The following ADGRG3 variants were observed in gnomAD, a reference collection of about 807,000 sequenced individuals.
ADGRG3 encodes the protein G protein-coupled receptor 97.
A neutral mutation model predicts 54.3 loss-of-function variants in ADGRG3; 39 were observed. The ratio of observed to expected loss-of-function variants is 0.72; its 90% CI spans 0.56 to 0.94. The LOEUF is 0.94. Among genes scored for constraint, ADGRG3 ranks in the 40% least tolerant of loss-of-function variants. ADGRG3 has a pLI of 0.00. For missense variants in ADGRG3, 654 were observed against 694.6 expected (o/e 0.94, Z 0.66); for synonymous variants, 312 against 290.0 (o/e 1.08, Z -0.77).
intron 6 of ADGRG3, 72 bp downstream of exon 6, chr16:57,679,927 A>G (rs773692864): frequency 1.7e-5 from 21 of 1,232,974 alleles, no homozygotes; most frequent in Non-Finnish European, 2.5e-5. Flanking sequence ...GGGCGGGGCT[A>G]GCTCCACTGG....
chr16:57,672,202 T>A (rs1250808969), intron 1 of ADGRG3, among the ~76,000 whole-genome samples: 1 of 151,666 alleles, frequency 6.6e-6, no homozygotes, highest in Non-Finnish European at 1.5e-5. Flanking sequence ...AAAGATATAT[T>A]GTTAAGTGAT....
intron 2 of ADGRG3, among the ~76,000 whole-genome samples, chr16:57,674,808 A>T (rs1480404345): frequency 7.1e-6 from 1 of 141,168 alleles, no homozygotes; most frequent in African/African-American, 2.7e-5. Context: ...ACATGGTGAA[A>T]CCCTGTCTCT....
Position 57,685,677 on chromosome 16 carries a change from C to G in ADGRG3, c.1291C>G (p.Leu431Val). The change falls in exon 11 of 12, where the codon CTC becomes GTC. Residue 431 changes from leucine to valine, a missense_variant. Physicochemically the swap from Leu to Val is conservative, Grantham distance 32. Coordinates refer to ENST00000333493, the MANE Select transcript of ADGRG3 (RefSeq NM_170776.5). The stretch of plus-strand genomic sequence containing the variant: ...CCGTGAAGGGACAACCATGTACGCC[C>G]TCTATATCACCGTCCACGGCTACTT... ...WFREGTTMYA[L>V]YITVHGYFLI... 1.2e-6 allele frequency: 2 copies of G among 1,614,196 alleles called. No homozygotes were observed. The highest frequency in any genetic ancestry group is 1.7e-6 in the Non-Finnish European group (2 of 1,180,024).
chr16:57,688,522 C>A lies in ADGRG3; in HGVS notation c.*61C>A. On this transcript the variant is annotated 3_prime_UTR_variant, in exon 12 of 12. Transcript: ENST00000333493. ...CTCTCTGTGTGACCTTGGGCAGCTC[C>A]GTGCCTCTCTCTGTACTCCCTCAGT... 1.0e-6 allele frequency: 1 copy of A among 954,550 alleles called. No individual in the cohort carries two copies. Among genetic ancestry groups the A allele is most frequent in the Non-Finnish European group, 1.7e-6 (1 of 578,378 alleles). The allele number at this position is 954,550 out of a possible 1,614,324, so 59.1% of individuals were successfully genotyped here.
In ADGRG3 at chr16:57,679,165, C is replaced by T. The variant is rs756757954; in HGVS notation, c.493-12C>T. On this transcript the variant is annotated splice_polypyrimidine_tract_variant and intron_variant, in intron 4 of 11. Transcript: ENST00000333493. Reference sequence around the variant, plus strand: ...TTCTGCAGCCTGGCCTCCCCGATCTCCCCTTTCACAGGGCCCCCGGCTCGG... The same window carrying T: ...TTCTGCAGCCTGGCCTCCCCGATCTTCCCTTTCACAGGGCCCCCGGCTCGG... The T allele has an allele frequency of 1.2e-6, 2 of 1,613,506 alleles. No homozygotes were observed. The highest frequency in any genetic ancestry group is 8.5e-7 in the Non-Finnish European group (1 of 1,179,864).
At chr16:57,674,144 C>A (rs935748) in intron 2 of ADGRG3, among the ~76,000 whole-genome samples, 2 of 151,786 alleles carry the variant, frequency 1.3e-5, no homozygotes, top group African/African-American at 2.4e-5. Flanking sequence ...CTTCAGGGAC[C>A]GGTGATGCAG....
Position 57,680,288 on chromosome 16 carries a change from G to A in ADGRG3, c.691G>A (p.Glu231Lys), listed in dbSNP as rs2048344244. Residue 231 changes from glutamate to lysine, a missense_variant, in exon 7 of 12, where the codon GAG becomes AAG. Physicochemically the swap from Glu to Lys is moderately conservative, Grantham distance 56. Transcript: ENST00000333493. ...TKGTTGDWSS[E>K]GCSTEVRPEG... Reference sequence around the variant, plus strand: ...AGGGACCACTGGAGACTGGTCTTCTGAGGGCTGCTCCACGGAGGTCAGACC... The same window carrying A: ...AGGGACCACTGGAGACTGGTCTTCTAAGGGCTGCTCCACGGAGGTCAGACC... 8 of 1,608,232 alleles carry A rather than the reference G, an allele frequency of 5.0e-6. No individual in the cohort carries two copies. Among genetic ancestry groups the A allele is most frequent in the Non-Finnish European group, 6.8e-6 (8 of 1,178,590 alleles).
At chr16:57,665,766 G>GCTCCTCC (rs373055233), upstream of ADGRG3, among the ~76,000 whole-genome samples, 118 of 152,262 alleles carry the variant, frequency 7.7e-4, no homozygotes, top group African/African-American at 2.8e-3. Context: ...CCTTCTGCAG[G>GCTCCTCC]CTCCTCCCTC....
upstream of ADGRG3, among the ~76,000 whole-genome samples, chr16:57,667,339 G>A (rs1224243498): frequency 1.3e-5 from 2 of 152,352 alleles, no homozygotes; most frequent in East Asian, 1.9e-4. Context: ...CCTTCCAATT[G>A]CCAAGTGGCC....
chr16:57,673,359 C>A lies in ADGRG3; in HGVS notation c.97C>A (p.Leu33Met). 1 of 1,613,942 alleles carries A rather than the reference C, an allele frequency of 6.2e-7. No homozygotes were observed. Among genetic ancestry groups the A allele is most frequent in the Non-Finnish European group, 8.5e-7 (1 of 1,179,804 alleles). Residue 33 changes from leucine to methionine, a missense_variant, in exon 2 of 12, where the codon CTG (leucine) becomes ATG (methionine). Leu to Met is a conservative substitution (Grantham distance 15). Coordinates refer to ENST00000333493, the MANE Select transcript of ADGRG3 (RefSeq NM_170776.5). The stretch of plus-strand genomic sequence containing the variant: ...CACCGAAGGGCCAAGAAACACCTGC[C>A]TGGGGAGCAACAACATGTACGACAT... ...KPTEGPRNTC[L>M]GSNNMYDIFN...
chr16:57,678,132 G>A (rs1280733729), intron 3 of ADGRG3, 38 bp from the exon 4 acceptor site: 3 of 1,606,520 alleles, frequency 1.9e-6, no homozygotes, highest in Non-Finnish European at 2.6e-6. Context: ...GTGTTGGGGG[G>A]TGGGTACAGA....
intron 11 of ADGRG3, among the ~76,000 whole-genome samples, chr16:57,687,230 T>G (rs2048489556): frequency 6.7e-6 from 1 of 149,732 alleles, no homozygotes; most frequent in African/African-American, 2.5e-5. Context: ...ATTGGGATAA[T>G]CCCGTACTTA....
At position 57,685,857 on chromosome 16, in the gene ADGRG3, G is replaced by A; in HGVS notation, c.1471G>A (p.Gly491Arg). 1 of 1,614,062 alleles carries A rather than the reference G, an allele frequency of 6.2e-7. No homozygotes were observed. The highest frequency in any genetic ancestry group is 1.3e-5 in the African/African-American group (1 of 74,990). The change falls in exon 11 of 12, where the codon GGG (glycine) becomes AGG (arginine). Residue 491 changes from glycine (G) to arginine (R), a missense_variant. Transcript: ENST00000333493. The part of the protein sequence containing the change: ...GLSSLVGVTW[G>R]LAIFTPLGLS... ...CTCGAGCCTGGTGGGTGTGACATGG[G>A]GGTTGGCCATCTTCACCCCGTTGGG...
intron 11 of ADGRG3, among the ~76,000 whole-genome samples, chr16:57,687,679 G>A (rs2048499375): frequency 1.3e-5 from 2 of 152,234 alleles, no homozygotes; most frequent in African/African-American, 4.8e-5. Context: ...TCCAGGTGGA[G>A]AATCATGAGT....
chr16:57,679,996 C>T (rs1207778170), intron 6 of ADGRG3, 141 bp downstream of exon 6: 12 of 408,180 alleles, frequency 2.9e-5, no homozygotes, highest in Non-Finnish European at 4.5e-5. Flanking sequence ...CTCCCTGCAT[C>T]CCCTCCCTTC....
At chr16:57,682,406 C>T in intron 8 of ADGRG3, 1 of 820,330 alleles carries the variant, frequency 1.2e-6, no homozygotes, top group Non-Finnish European at 1.5e-6. Flanking sequence ...CCCTAGGCTG[C>T]AGCCCCAACT....
At chr16:57,665,875 T>A (rs1445585001), upstream of ADGRG3, among the ~76,000 whole-genome samples, 1 of 152,180 alleles carries the variant, frequency 6.6e-6, no homozygotes, top group African/African-American at 2.4e-5. Context: ...AGACTGGCAG[T>A]GCCCTCTGAG....
Position 57,673,421 on chromosome 16 carries a change from G to C in ADGRG3, c.159G>C (p.Lys53Asn), listed in dbSNP as rs1225693813. Residue 53 changes from lysine to asparagine, a missense_variant, in exon 2 of 12, where the codon AAG (lysine) becomes AAC (asparagine). By Grantham distance (94) the Lys-to-Asn change is moderately conservative. Transcript: ENST00000333493. The part of the protein sequence containing the change: ...NLNDKALCFT[K>N]CRQSGSDSCN... ...ATGACAAGGCTTTGTGCTTCACCAA[G>C]TGCAGGCAGTCGGGCAGCGACTCCT... is the stretch of plus-strand genomic sequence containing the variant. 1 of 1,612,342 alleles carries C rather than the reference G, an allele frequency of 6.2e-7. No homozygotes were observed. The highest frequency in any genetic ancestry group is 8.5e-7 in the Non-Finnish European group (1 of 1,178,398).
chr16:57,684,496 T>G lies in ADGRG3; in HGVS notation c.1256+13T>G, dbSNP rs755317591. The G allele has an allele frequency of 6.2e-7, 1 of 1,601,838 alleles. No individual in the cohort carries two copies. The highest frequency in any genetic ancestry group is 8.6e-7 in the Non-Finnish European group (1 of 1,169,348). ...CCTCTCTGGAGCTGTGAGTGGCGGC[T>G]GTGGGAGCAGGGGTGATGCCAGCTC... On this transcript the variant is annotated intron_variant, in intron 10 of 11. Coordinates refer to ENST00000333493, the MANE Select transcript of ADGRG3 (RefSeq NM_170776.5).
Sources: allele counts gnomAD v4.1 joint callset (sites outside exome capture counted in the v4.1 genomes callset), GRCh38; gene constraint gnomAD v4.1.1; transcripts MANE v1.5; gene names NCBI Gene and HGNC (gene_info 2026-07-23, HGNC 2026-07-21).